Variants in DOCK4 observed in about 807,000 individuals in gnomAD.
DOCK4 encodes the protein dedicator of cytokinesis protein 4.
A neutral mutation model predicts 268.1 loss-of-function variants in DOCK4; 97 were observed. The ratio of observed to expected loss-of-function variants is 0.36; its 90% confidence interval spans 0.31 to 0.43. The LOEUF (loss-of-function observed/expected upper bound fraction) is 0.43. Among genes scored for constraint, DOCK4 ranks in the 20% least tolerant of loss-of-function variants. The pLI is 1.00. For missense variants in DOCK4, 2,145 were observed against 2,455.7 expected (o/e 0.87, Z 2.67); for synonymous variants, 954 against 887.2 (o/e 1.08, Z -1.34).
rs1174523261 is a variant in DOCK4 at position 111,933,279 on chromosome 7, C to CAT, written c.1066+2259_1066+2260dup. ...ATACTTATATATATATACATATATA[C>CAT]ATATATATATATATATATATTTTTT... On this transcript the variant is annotated intron_variant, in intron 12 of 52. Coordinates refer to ENST00000428084, the MANE Select transcript of DOCK4 (RefSeq NM_001363540.2). Among the ~76,000 whole-genome samples the CAT allele has an allele frequency of 2.9e-3, 262 of 91,214 alleles. 22 individuals are homozygous for CAT. Among genetic ancestry groups the CAT allele is most frequent in the East Asian group, 3.9e-3 (15 of 3,820 alleles). 59.8% of individuals were successfully genotyped at this position (91,214 alleles called of 152,430 possible).
At position 111,782,848 on chromosome 7, in the gene DOCK4, G is replaced by A; in HGVS notation, c.3585+16C>T. 4.3e-6 allele frequency: 7 copies of A among 1,612,790 alleles called. No individual in the cohort carries two copies. Among genetic ancestry groups the A allele is most frequent in the Non-Finnish European group, 5.9e-6 (7 of 1,179,142 alleles). ...GTATTAGGAGAAAAGGAGAAAAAGG[G>A]GAATAGTTTACTAACCAGAAGGCTA... On this transcript the variant is annotated intron_variant, in intron 35 of 52. Transcript: ENST00000428084.
At chr7:111,861,757 A>C (rs1396938264) in intron 23 of DOCK4, among the ~76,000 whole-genome samples, 1 of 138,178 alleles carries the variant, frequency 7.2e-6, no homozygotes, top group Non-Finnish European at 1.5e-5. Flanking sequence ...AAAAAAAAAA[A>C]AAATAATAAT....
intron 17 of DOCK4, among the ~76,000 whole-genome samples, chr7:111,876,065 C>T (rs1806840799): frequency 6.6e-6 from 1 of 151,938 alleles, no homozygotes. Flanking sequence ...AAACTGGCCC[C>T]ATAAAAAAAT....
Position 111,728,631 on chromosome 7 carries a change from G to A in DOCK4, c.5571C>T (p.Ser1857=), listed in dbSNP as rs760187720. 1 of 1,614,044 alleles carries A rather than the reference G, an allele frequency of 6.2e-7. No individual in the cohort carries two copies. The highest frequency in any genetic ancestry group is 1.1e-5 in the South Asian group (1 of 91,088). Residue 1857 remains serine, a synonymous_variant, in exon 53 of 53, where the codon AGC becomes AGT. Coordinates refer to ENST00000428084, the MANE Select transcript of DOCK4 (RefSeq NM_001363540.2). ...SNSPVLSGSY[S]SGISSLSRCS... ...ACCGGCTGAGAGAAGAAATCCCACT[G>A]CTGTAGCTGCCCGACAAGACAGGGG...
intron 1 of DOCK4, among the ~76,000 whole-genome samples, chr7:112,076,990 T>C (rs575705179): frequency 4.6e-5 from 7 of 152,242 alleles, no homozygotes; most frequent in African/African-American, 1.4e-4. Context: ...AAGGTGTATA[T>C]AGTAAGTAGA....
At chr7:112,083,971 G>A (rs1032928160) in intron 1 of DOCK4, among the ~76,000 whole-genome samples, 2 of 152,172 alleles carry the variant, frequency 1.3e-5, no homozygotes, top group African/African-American at 2.4e-5. Flanking sequence ...CAGCTGAAGT[G>A]CGCTTGCACA....
At chr7:111,757,890 G>A (rs1299840417) in intron 41 of DOCK4, among the ~76,000 whole-genome samples, 4 of 148,560 alleles carry the variant, frequency 2.7e-5, no homozygotes, top group Admixed American at 6.7e-5. Context: ...ATACTAACTG[G>A]GGGGGGTGTC....
intron 36 of DOCK4, among the ~76,000 whole-genome samples, chr7:111,772,123 T>A (rs1394094536): frequency 6.6e-6 from 1 of 152,230 alleles, no homozygotes; most frequent in African/African-American, 2.4e-5. Context: ...TAGTGTTTAA[T>A]GGGTACAGAG....
chr7:111,996,520 T>C (rs10248098), intron 4 of DOCK4, among the ~76,000 whole-genome samples: 40,469 of 152,080 alleles, frequency 0.27, 5,844 homozygotes, highest in South Asian at 0.42. Context: ...GGAAAGCAAT[T>C]ACCTGGCAAT....
chr7:112,113,114 C>T (rs910745506), intron 1 of DOCK4, among the ~76,000 whole-genome samples: 1 of 152,150 alleles, frequency 6.6e-6, no homozygotes, highest in Non-Finnish European at 1.5e-5. Context: ...AGGTCAGAGG[C>T]TATGGTGAAA....
At chr7:112,091,631 A>G (rs1809637070) in intron 1 of DOCK4, among the ~76,000 whole-genome samples, 1 of 152,170 alleles carries the variant, frequency 6.6e-6, no homozygotes, top group Non-Finnish European at 1.5e-5. Flanking sequence ...AAACGGACGC[A>G]GAGCCCAATC....
rs1186684235 is a variant in DOCK4, at chr7:111,758,668, G to A, written c.4285C>T (p.Arg1429Ter). ...VNHIWKFRYD[R>*]PFHKGTKDKE... ...TCTTTTGTGCCTTTGTGAAATGGTC[G>A]GTCATAGCGGAATTTCCAGATGTGA... Residue 1429 changes from arginine (R) to a stop codon, truncating the protein, a stop_gained, in exon 41 of 53, where the codon CGA (arginine) becomes TGA (stop). Transcript: ENST00000428084. LOFTEE classifies it high-confidence loss of function. 1.2e-6 allele frequency: 2 copies of A among 1,613,878 alleles called. No homozygotes were observed. The highest frequency in any genetic ancestry group is 1.7e-5 in the Admixed American group (1 of 60,004).
chr7:111,963,383 T>C (rs112412518), intron 8 of DOCK4, among the ~76,000 whole-genome samples: 1 of 128,436 alleles, frequency 7.8e-6, no homozygotes, highest in African/African-American at 3.6e-5. Flanking sequence ...GGCGAGGCAT[T>C]GCCTCACCTG....
At chr7:111,732,972 C>T (rs1795204949) in intron 51 of DOCK4, among the ~76,000 whole-genome samples, 1 of 152,252 alleles carries the variant, frequency 6.6e-6, no homozygotes, top group East Asian at 1.9e-4. Flanking sequence ...TGGAACACAG[C>T]ATGTGTGATA....
intron 1 of DOCK4, among the ~76,000 whole-genome samples, chr7:112,183,994 C>T (rs1178238447): frequency 1.3e-5 from 2 of 152,160 alleles, no homozygotes; most frequent in Admixed American, 6.5e-5. Flanking sequence ...CTGAGGGCCC[C>T]TTCCTCTGTG....
chr7:111,759,941 T>G (rs531704108), intron 40 of DOCK4, among the ~76,000 whole-genome samples: 1 of 151,954 alleles, frequency 6.6e-6, no homozygotes, highest in African/African-American at 2.4e-5. Flanking sequence ...ATACAAGAGG[T>G]TTAATTAAAA....
chr7:111,768,905 C>T (rs76468667), intron 37 of DOCK4, among the ~76,000 whole-genome samples: 3,260 of 152,182 alleles, frequency 0.021, 117 homozygotes, highest in African/African-American at 0.074. Context: ...TCCTAACCCC[C>T]AGGGTAATGG....
chr7:111,847,730 T>G lies in DOCK4; in HGVS notation c.2474-604A>C, dbSNP rs145744173. ...ACCATGTAAGATGTGCCTTTCACCT[T>G]CCGCCATGATTGTGAGGCCTTCTCA... On this transcript the variant is annotated intron_variant, in intron 23 of 52. Coordinates refer to ENST00000428084, the MANE Select transcript of DOCK4 (RefSeq NM_001363540.2). Among the ~76,000 whole-genome samples the G allele has an allele frequency of 9.7e-3, 1,474 of 152,274 alleles. 22 individuals carry two copies. Among genetic ancestry groups the G allele is most frequent in the African/African-American group, 0.031 (1,291 of 41,546 alleles).
At chr7:111,971,803 G>C (rs144050542) in intron 8 of DOCK4, 303 of 300,946 alleles carry the variant, frequency 1.0e-3, no homozygotes, top group African/African-American at 6.4e-3. Context: ...ACTTACGGGG[G>C]ATGGCTCTTT....
Sources: allele counts gnomAD v4.1 joint callset (sites outside exome capture counted in the v4.1 genomes callset), GRCh38; gene constraint gnomAD v4.1.1; transcripts MANE v1.5; gene names NCBI Gene and HGNC (gene_info 2026-07-23, HGNC 2026-07-21).